The following PHF11 variants were observed in gnomAD, a reference collection of about 807,000 sequenced individuals.
PHF11 encodes the protein BRCA1 C-terminus-associated protein.
A neutral mutation model predicts 40.5 loss-of-function variants in PHF11; 38 were observed. The observed-to-expected ratio is 0.94, with a 90% CI of 0.72 to 1.23. The LOEUF (loss-of-function observed/expected upper bound fraction) is 1.23. Among genes scored for constraint, PHF11 ranks in the 50% most tolerant of loss-of-function variants. The pLI is 0.00. For synonymous variants in PHF11, 127 were observed against 138.2 expected (o/e 0.92, Z 0.57); for missense variants, 369 against 392.4 (o/e 0.94, Z 0.50).
chr13:49,513,826 G>A (rs1959112483), intron 3 of PHF11, among the ~76,000 whole-genome samples: 1 of 152,026 alleles, frequency 6.6e-6, no homozygotes. Context: ...TGTCATCAGG[G>A]GCCCAGGTTC....
chr13:49,520,478 CCTTAAATTAATG>C (rs1417524871), intron 4 of PHF11, among the ~76,000 whole-genome samples: 1 of 152,128 alleles, frequency 6.6e-6, no homozygotes, highest in Non-Finnish European at 1.5e-5. Flanking sequence ...ATGACTTTTT[CCTTAAATTAATG>C]CTTGCAATTT....
chr13:49,512,665 T>C (rs1363799828), intron 2 of PHF11, among the ~76,000 whole-genome samples: 1 of 152,196 alleles, frequency 6.6e-6, no homozygotes, highest in African/African-American at 2.4e-5. Context: ...TAGAAAGCCA[T>C]TGGGAACCTA....
intron 2 of PHF11, among the ~76,000 whole-genome samples, chr13:49,510,765 C>A (rs568700859): frequency 6.6e-6 from 1 of 152,328 alleles, no homozygotes; most frequent in East Asian, 1.9e-4. Flanking sequence ...GCTACCGCTC[C>A]CAGCCCAATC....
At chr13:49,506,561 T>G in intron 1 of PHF11, 74 bp from the exon 2 acceptor site, 1 of 1,371,660 alleles carries the variant, frequency 7.3e-7, no homozygotes, top group Non-Finnish European at 1.0e-6. Flanking sequence ...GCCTTCCACT[T>G]GAAGACTGGA....
chr13:49,501,851 C>T (rs575345760), intron 1 of PHF11, among the ~76,000 whole-genome samples: 62 of 152,128 alleles, frequency 4.1e-4, no homozygotes, highest in African/African-American at 1.3e-3. Flanking sequence ...CCACCATGCC[C>T]GGCTAATTTT....
At chr13:49,509,251 G>A (rs931682793) in intron 2 of PHF11, among the ~76,000 whole-genome samples, 2 of 147,242 alleles carry the variant, frequency 1.4e-5, no homozygotes, top group South Asian at 2.1e-4. Context: ...TTGCTCTGTC[G>A]CCCCAGGCTG....
At chr13:49,528,453 A>G in intron 9 of PHF11, 58 bp from the exon 10 acceptor site, 2 of 1,236,650 alleles carry the variant, frequency 1.6e-6, no homozygotes, top group South Asian at 1.4e-5. Context: ...GAAATGGTAC[A>G]TTATTTCTAA....
chr13:49,527,461 T>A (rs1218678569), intron 9 of PHF11: 1 of 152,244 alleles, frequency 6.6e-6, no homozygotes. Context: ...TTCATATCCC[T>A]GTCTCAACAT....
At chr13:49,521,965 T>C (rs1461729183) in intron 5 of PHF11, 78 bp from the exon 6 acceptor site, 1 of 689,938 alleles carries the variant, frequency 1.4e-6, no homozygotes. Context: ...TTTTGGCATA[T>C]GAGTTGTATA....
chr13:49,512,961 C>A, intron 2 of PHF11, 98 bp from the exon 3 acceptor site: 1 of 651,574 alleles, frequency 1.5e-6, no homozygotes, highest in East Asian at 2.8e-5. Flanking sequence ...GTCCATTTCC[C>A]ACTCCTGGTT....
At chr13:49,528,464 T>G in intron 9 of PHF11, 47 bp from the exon 10 acceptor site, 1 of 1,343,526 alleles carries the variant, frequency 7.4e-7, no homozygotes, top group Non-Finnish European at 1.0e-6. Flanking sequence ...TTATTTCTAA[T>G]AAAACTACTG....
intron 2 of PHF11, among the ~76,000 whole-genome samples, chr13:49,512,166 T>G (rs1465517735): frequency 6.6e-6 from 1 of 152,224 alleles, no homozygotes; most frequent in Non-Finnish European, 1.5e-5. Flanking sequence ...ATGTGCTCAT[T>G]TGCCATTCAT....
At chr13:49,515,455 T>TACACACACACACACAC (rs61316360) in intron 3 of PHF11, among the ~76,000 whole-genome samples, 7 of 137,580 alleles carry the variant, frequency 5.1e-5, no homozygotes, top group African/African-American at 1.4e-4. Context: ...CCATCTCCTA[T>TACACACACACACACAC]ACACACACAC....
intron 6 of PHF11, among the ~76,000 whole-genome samples, chr13:49,522,671 T>C (rs1959193914): frequency 6.6e-6 from 1 of 151,984 alleles, no homozygotes; most frequent in South Asian, 2.1e-4. Flanking sequence ...CTCCTGTTTA[T>C]ACAAGGGGTG....
chr13:49,522,149 A>G lies in PHF11; in HGVS notation c.570+42A>G, dbSNP rs749381446. 3.8e-5 allele frequency: 38 copies of G among 1,006,524 alleles called. 1 individual carries two copies. In the South Asian group the frequency reaches 5.2e-4, roughly 14 times the overall value. 62.3% of individuals were successfully genotyped at this position (1,006,524 alleles called of 1,614,324 possible). ...TTTATAGCTTTGCATTTCTTCATAC[A>G]GAGTCCTTATTTAAACCAGTCTGAA... is the stretch of plus-strand genomic sequence containing the variant. On this transcript the variant is annotated intron_variant, in intron 6 of 9. Coordinates refer to ENST00000378319, the MANE Select transcript of PHF11 (RefSeq NM_001040443.3).
intron 2 of PHF11, among the ~76,000 whole-genome samples, chr13:49,511,169 G>T (rs951697456): frequency 2.6e-4 from 39 of 152,100 alleles, no homozygotes; most frequent in African/African-American, 8.9e-4. Flanking sequence ...GTACTTAATT[G>T]GTATGCATGT....
At chr13:49,521,119 T>C (rs1959185812) in intron 5 of PHF11, 179 bp downstream of exon 5, 1 of 1,298,840 alleles carries the variant, frequency 7.7e-7, no homozygotes. Flanking sequence ...TGACTAATTT[T>C]TTCTTCTTTA....
chr13:49,505,776 T>A (rs1958979415), intron 1 of PHF11, among the ~76,000 whole-genome samples: 1 of 152,194 alleles, frequency 6.6e-6, no homozygotes, highest in Non-Finnish European at 1.5e-5. Flanking sequence ...TCTTTCCTTT[T>A]TTCCATTCTT....
intron 1 of PHF11, among the ~76,000 whole-genome samples, chr13:49,505,921 C>T (rs1161139153): frequency 6.6e-6 from 1 of 152,144 alleles, no homozygotes; most frequent in Non-Finnish European, 1.5e-5. Context: ...TACAGTATGG[C>T]ATTAGGATTC....
Sources: allele counts gnomAD v4.1 joint callset (sites outside exome capture counted in the v4.1 genomes callset), GRCh38; gene constraint gnomAD v4.1.1; transcripts MANE v1.5; gene names NCBI Gene and HGNC (gene_info 2026-07-23, HGNC 2026-07-21).